Variants in PDGFD observed in about 807,000 individuals in gnomAD.
PDGFD encodes the protein platelet-derived growth factor D.
In PDGFD, 30 loss-of-function variants were observed where a neutral mutation model predicts 44.7. The observed-to-expected ratio is 0.67, with a 90% CI of 0.50 to 0.91. PDGFD has a LOEUF of 0.91. Among genes scored for constraint, PDGFD ranks in the 40% least tolerant of loss-of-function variants. PDGFD has a pLI of 0.00. For synonymous variants in PDGFD, 173 were observed against 168.4 expected (o/e 1.03, Z -0.21); for missense variants, 445 against 457.8 (o/e 0.97, Z 0.25).
intron 1 of PDGFD, among the ~76,000 whole-genome samples, chr11:104,132,520 G>T (rs540229772): frequency 6.6e-6 from 1 of 151,820 alleles, no homozygotes; most frequent in African/African-American, 2.4e-5. Context: ...TTTCTTCCTG[G>T]CATCTACTAC....
At chr11:103,971,081 T>C (rs1162805109) in intron 3 of PDGFD, among the ~76,000 whole-genome samples, 1 of 152,200 alleles carries the variant, frequency 6.6e-6, no homozygotes, top group African/African-American at 2.4e-5. Context: ...GTATCTGTCT[T>C]CCACTGTGAA....
chr11:104,161,829 AT>A (rs1156512826), intron 1 of PDGFD, among the ~76,000 whole-genome samples: 1 of 152,108 alleles, frequency 6.6e-6, no homozygotes, highest in Admixed American at 6.5e-5. Flanking sequence ...GAATATTAAC[AT>A]TTTTTACTCT....
At chr11:104,049,643 G>C (rs935782232) in intron 1 of PDGFD, among the ~76,000 whole-genome samples, 1 of 152,116 alleles carries the variant, frequency 6.6e-6, no homozygotes, top group African/African-American at 2.4e-5. Context: ...AGCAGAGGAG[G>C]AGGAGCCTAC....
chr11:103,974,602 A>G (rs562983809), intron 3 of PDGFD, among the ~76,000 whole-genome samples: 24 of 152,020 alleles, frequency 1.6e-4, no homozygotes, highest in African/African-American at 5.3e-4. Flanking sequence ...TGCATTAGGT[A>G]TTTGTCCTAA....
intron 1 of PDGFD, among the ~76,000 whole-genome samples, chr11:104,107,629 C>A (rs1209485112): frequency 1.3e-5 from 2 of 152,086 alleles, no homozygotes; most frequent in Non-Finnish European, 2.9e-5. Context: ...AGATGAAGTC[C>A]TGTGAATTTT....
intron 1 of PDGFD, among the ~76,000 whole-genome samples, chr11:104,048,930 T>C (rs999992663): frequency 2.0e-4 from 30 of 152,226 alleles, no homozygotes; most frequent in African/African-American, 6.3e-4. Context: ...ATGTTATATA[T>C]GTTAATTCAC....
chr11:104,037,708 CAG>C, intron 1 of PDGFD: 1 of 1,614,060 alleles, frequency 6.2e-7, no homozygotes, highest in African/African-American at 1.3e-5. Flanking sequence ...AGTGGGCACA[CAG>C]AGAATTATTG....
intron 3 of PDGFD, among the ~76,000 whole-genome samples, chr11:103,968,087 T>C (rs1009627557): frequency 6.6e-6 from 1 of 152,172 alleles, no homozygotes; most frequent in Non-Finnish European, 1.5e-5. Flanking sequence ...GTTAACATTG[T>C]TGATGACTCC....
chr11:103,996,026 C>T lies in PDGFD; in HGVS notation c.510+39G>A, dbSNP rs1380280900. On this transcript the variant is annotated intron_variant, in intron 3 of 6. Coordinates refer to ENST00000393158, the MANE Select transcript of PDGFD (RefSeq NM_025208.5). ...AATTGATCTCTACACTTCATGAAAC[C>T]AGTGTCTGCTTTTAATCATAAAGTG... The T allele has an allele frequency of 8.4e-6, 13 of 1,543,720 alleles. No individual in the cohort carries two copies. In the Admixed American group the frequency reaches 1.3e-4, roughly 15 times the overall value.
At position 104,150,713 on chromosome 11, in the gene PDGFD, C is replaced by T. The variant is rs113648010; in HGVS notation, c.124+13091G>A. ...TTCCTTGGCTTGTGGATGCATTACT[C>T]AAATCTCTGCCTCTGTGGTCACATA... On this transcript the variant is annotated intron_variant, in intron 1 of 6. Coordinates refer to ENST00000393158, the MANE Select transcript of PDGFD (RefSeq NM_025208.5). Among the ~76,000 whole-genome samples, 449 of 152,234 alleles carry T rather than the reference C, an allele frequency of 2.9e-3. 2 individuals carry two copies. The highest frequency in any genetic ancestry group is 8.4e-3 in the African/African-American group (347 of 41,540).
At chr11:104,040,165 C>T (rs1860324226) in intron 1 of PDGFD, among the ~76,000 whole-genome samples, 1 of 152,050 alleles carries the variant, frequency 6.6e-6, no homozygotes, top group Non-Finnish European at 1.5e-5. Context: ...TGAGTATCAG[C>T]CCACATATTC....
At chr11:104,003,638 G>C (rs149445064) in intron 1 of PDGFD, among the ~76,000 whole-genome samples, 1 of 152,216 alleles carries the variant, frequency 6.6e-6, no homozygotes, top group Admixed American at 6.5e-5. Context: ...TGCTGCCAGG[G>C]GAAACATTTT....
At chr11:104,097,166 G>A (rs1861300490) in intron 1 of PDGFD, among the ~76,000 whole-genome samples, 1 of 152,144 alleles carries the variant, frequency 6.6e-6, no homozygotes, top group South Asian at 2.1e-4. Flanking sequence ...ATTTTGCGCA[G>A]TGCTAACATG....
chr11:104,099,563 C>T (rs182277590), intron 1 of PDGFD, among the ~76,000 whole-genome samples: 2 of 151,476 alleles, frequency 1.3e-5, no homozygotes, highest in Admixed American at 1.3e-4. Flanking sequence ...TCCTAGGAGG[C>T]AGAGGTGGCA....
At chr11:104,094,649 T>C (rs1006870791) in intron 1 of PDGFD, among the ~76,000 whole-genome samples, 1 of 152,144 alleles carries the variant, frequency 6.6e-6, no homozygotes, top group Non-Finnish European at 1.5e-5. Context: ...CATTCTGTTA[T>C]CTATAACTAT....
intron 1 of PDGFD, among the ~76,000 whole-genome samples, chr11:104,091,811 T>C (rs760284935): frequency 2.0e-5 from 3 of 152,188 alleles, no homozygotes; most frequent in Non-Finnish European, 4.4e-5. Context: ...AATGATCTAA[T>C]GTTCAGGGAC....
At chr11:104,115,262 T>C (rs2134455722) in intron 1 of PDGFD, among the ~76,000 whole-genome samples, 1 of 148,670 alleles carries the variant, frequency 6.7e-6, no homozygotes, top group East Asian at 1.9e-4. Flanking sequence ...TTCTATCATA[T>C]ATATATATAT....
chr11:104,091,264 TA>T (rs573620122), intron 1 of PDGFD, among the ~76,000 whole-genome samples: 4 of 152,048 alleles, frequency 2.6e-5, no homozygotes, highest in Non-Finnish European at 5.9e-5. Context: ...TTTCCTTTCT[TA>T]AAAAAAAGAA....
chr11:104,112,006 A>G (rs1303135758), intron 1 of PDGFD, among the ~76,000 whole-genome samples: 2 of 152,180 alleles, frequency 1.3e-5, no homozygotes, highest in African/African-American at 4.8e-5. Context: ...TCAGTCTCAA[A>G]TAAGAACGTA....
Sources: allele counts gnomAD v4.1 joint callset (sites outside exome capture counted in the v4.1 genomes callset), GRCh38; gene constraint gnomAD v4.1.1; transcripts MANE v1.5; gene names NCBI Gene and HGNC (gene_info 2026-07-23, HGNC 2026-07-21).